POU2F2: variants seen among roughly 807,000 people sequenced by gnomAD.
The protein encoded by POU2F2 is POU domain, class 2, transcription factor 2.
In POU2F2, 14 loss-of-function variants were observed where a neutral mutation model predicts 63.5. The ratio of observed to expected loss-of-function variants is 0.22; its 90% confidence interval spans 0.15 to 0.34. POU2F2 has a LOEUF of 0.34. Among genes scored for constraint, POU2F2 ranks in the 10% least tolerant of loss-of-function variants. The probability of loss-of-function intolerance (pLI) is 1.00; values close to 1 mark genes in which losing one functional copy is unlikely to be tolerated. For synonymous variants in POU2F2, 306 were observed against 348.6 expected, an observed-to-expected ratio of 0.88 and a Z score of 1.36; for missense variants, 607 against 815.2, an observed-to-expected ratio of 0.74 and a Z score of 3.11.
intron 4 of POU2F2, among the ~76,000 whole-genome samples, chr19:42,119,029 C>T (rs2032264763): frequency 6.6e-6 from 1 of 151,938 alleles, no homozygotes; most frequent in African/African-American, 2.4e-5. Flanking sequence ...TGGTTCATGC[C>T]TGTAATCGCA....
At chr19:42,179,102 G>C (rs928472061), upstream of POU2F2, among the ~76,000 whole-genome samples, 2 of 152,106 alleles carry the variant, frequency 1.3e-5, no homozygotes, top group Non-Finnish European at 2.9e-5. Context: ...GCTGGGGATG[G>C]GGGGCAGAGA....
intron 2 of POU2F2, chr19:42,157,470 C>A (rs560974547): frequency 3.3e-5 from 5 of 152,364 alleles, no homozygotes; most frequent in African/African-American, 1.2e-4. Flanking sequence ...AGGCCTAGCA[C>A]ACAAGGAATC....
chr19:42,142,596 C>T (rs1309047597), intron 2 of POU2F2, among the ~76,000 whole-genome samples: 1 of 151,890 alleles, frequency 6.6e-6, no homozygotes, highest in Non-Finnish European at 1.5e-5. Context: ...AGGGTCGTCT[C>T]ACTCTGTCAA....
intron 1 of POU2F2, chr19:42,175,875 C>A: frequency 6.6e-6 from 1 of 152,352 alleles, no homozygotes; most frequent in Non-Finnish European, 1.5e-5. Context: ...CTATTTCTCA[C>A]CGTTTCTGCT....
upstream of POU2F2, chr19:42,136,744 A>C (rs933782113): frequency 1.3e-5 from 2 of 152,326 alleles, no homozygotes; most frequent in Non-Finnish European, 2.9e-5. Flanking sequence ...TCAGGAGACA[A>C]CAGCAACAGC....
chr19:42,098,840 G>A (rs2077021554), intron 7 of POU2F2, among the ~76,000 whole-genome samples: 1 of 152,194 alleles, frequency 6.6e-6, no homozygotes. Context: ...TAGAACTCAG[G>A]CAGCAAACTG....
chr19:42,118,122 AC>A (rs1257165578), intron 4 of POU2F2, among the ~76,000 whole-genome samples: 1 of 152,082 alleles, frequency 6.6e-6, no homozygotes, highest in African/African-American at 2.4e-5. Context: ...ACAGGGTATC[AC>A]TATGTTGCCC....
upstream of POU2F2, among the ~76,000 whole-genome samples, chr19:42,196,749 G>A (rs956141806): frequency 6.6e-6 from 1 of 152,248 alleles, no homozygotes; most frequent in Non-Finnish European, 1.5e-5. Context: ...GGAGCTCCAC[G>A]GCGCATGCGC....
intron 5 of POU2F2, among the ~76,000 whole-genome samples, chr19:42,103,372 C>G (rs777283493): frequency 5.9e-5 from 9 of 152,222 alleles, no homozygotes; most frequent in Non-Finnish European, 7.3e-5. Flanking sequence ...AGAACAGCAC[C>G]TGGCACCCAG....
chr19:42,114,177 G>A (rs1369451289), intron 5 of POU2F2, among the ~76,000 whole-genome samples: 1 of 152,090 alleles, frequency 6.6e-6, no homozygotes, highest in Non-Finnish European at 1.5e-5. Context: ...GGTCCCTGGG[G>A]AGCTGGGGGA....
intron 4 of POU2F2, among the ~76,000 whole-genome samples, chr19:42,121,373 C>T (rs992114695): frequency 1.3e-5 from 2 of 152,188 alleles, no homozygotes; most frequent in African/African-American, 2.4e-5. Context: ...CCATCCCATC[C>T]GACTGCCCCC....
intron 1 of POU2F2, among the ~76,000 whole-genome samples, chr19:42,163,503 G>A (rs980960490): frequency 1.3e-5 from 2 of 152,032 alleles, no homozygotes; most frequent in African/African-American, 2.4e-5. Context: ...CCGGCATCAC[G>A]CCTGGCTCTG....
At position 42,093,843 on chromosome 19, in the gene POU2F2, C is replaced by T; in HGVS notation, c.1250G>A (p.Ser417Asn). 1 of 1,611,902 alleles carries T rather than the reference C, an allele frequency of 6.2e-7. No individual in the cohort carries two copies. Among genetic ancestry groups the T allele is most frequent in the Non-Finnish European group, 8.5e-7 (1 of 1,178,346 alleles). ...GTLPLSQASS[S>N]LSTTVTTLSS... The stretch of plus-strand genomic sequence containing the variant: ...CCCTCCCTGACCTGTTGTGCTCAGA[C>T]TGCTGGAAGCTTGGGACAACGGTAA... Residue 417 changes from serine (S) to asparagine (N), a missense_variant, in exon 12 of 15, where the codon AGT becomes AAT. Around this residue, in one of 7 missense-constraint regions of POU2F2, gnomAD observed 270 missense variants for 307.5 expected, o/e 0.88. Coordinates refer to ENST00000692977, the MANE Select transcript of POU2F2 (RefSeq NM_001394376.1).
chr19:42,190,690 T>C (rs1213106390), intron 1 of POU2F2, among the ~76,000 whole-genome samples: 2 of 152,064 alleles, frequency 1.3e-5, no homozygotes, highest in Admixed American at 6.6e-5. Flanking sequence ...CCTGTCTCTA[T>C]TAAAAATACA....
Position 42,092,275 on chromosome 19 carries a change from C to CAG in POU2F2, c.1265-7_1265-6dup. On this transcript the variant is annotated splice_polypyrimidine_tract_variant and splice_region_variant and intron_variant, in intron 12 of 14. Coordinates refer to ENST00000692977, the MANE Select transcript of POU2F2 (RefSeq NM_001394376.1). The surrounding 1 kb of genome is among the most constrained non-coding windows in gnomAD (Gnocchi z 5.0). The stretch of plus-strand genomic sequence containing the variant: ...CAGCTGAGGATAAGGTAGTAACTGC[C>CAG]AGAGAGAGACAGAAAGATGGGGTCT... 6.5e-7 allele frequency: 1 copy of CAG among 1,542,264 alleles called. No homozygotes were observed. The highest frequency in any genetic ancestry group is 1.2e-5 in the South Asian group (1 of 83,970).
intron 1 of POU2F2, among the ~76,000 whole-genome samples, chr19:42,195,064 AGGGAGGAAGGAAGGGAGGGAGGAAGGG>A (rs2035121868): frequency 5.9e-5 from 2 of 33,820 alleles, no homozygotes; most frequent in Non-Finnish European, 1.2e-4. Context: ...GGAGGGAGGG[AGGGAGGAAGGAAGGGAGGGAGGAAGGG>A]AGGAAGGAAG....
rs761526279 is a variant in POU2F2 at position 42,117,368 on chromosome 19, T to TG, written c.250dup (p.Gln84ProfsTer5). 8 of 1,525,648 alleles carry TG rather than the reference T, an allele frequency of 5.2e-6. No individual in the cohort carries two copies. In the Admixed American group the frequency reaches 7.3e-5, roughly 14 times the overall value. 94.5% of individuals were successfully genotyped at this position (1,525,648 alleles called of 1,614,324 possible). A position where few individuals can be genotyped will look rare whatever the true frequency, so the allele number is the denominator to read the frequency against. On this transcript the variant is annotated frameshift_variant, in exon 5 of 15. Transcript: ENST00000692977. LOFTEE classifies it high-confidence loss of function. The surrounding 1 kb of genome is among the most constrained non-coding windows in gnomAD (Gnocchi z 4.4). ...GCCACTGGGGTCTTCAGCCTTGATC[T>TG]GGGGGGGAGAGAGGCAGGGTCCGGG... is the stretch of plus-strand genomic sequence containing the variant.
At chr19:42,154,227 CACAA>C (rs924915519) in intron 2 of POU2F2, among the ~76,000 whole-genome samples, 7 of 151,632 alleles carry the variant, frequency 4.6e-5, no homozygotes, top group African/African-American at 1.7e-4. Flanking sequence ...GCGAGAGAGA[CACAA>C]ACAGAGGCAG....
intron 2 of POU2F2, among the ~76,000 whole-genome samples, chr19:42,146,658 GC>G (rs57779178): frequency 0.8 from 122,324 of 151,976 alleles, 49,903 homozygotes; most frequent in African/African-American, 0.95. Flanking sequence ...CTAAGGGAAG[GC>G]CCCCCCATTC....
Sources: allele counts gnomAD v4.1 joint callset (sites outside exome capture counted in the v4.1 genomes callset), GRCh38; gene constraint gnomAD v4.1.1; regional missense constraint gnomAD v4.1.1; non-coding constraint Gnocchi (gnomAD v3.1); transcripts MANE v1.5; gene names NCBI Gene and HGNC (gene_info 2026-07-23, HGNC 2026-07-21).